The following KLRD1 variants were observed in gnomAD, a reference collection of about 807,000 sequenced individuals.
The protein encoded by KLRD1 is killer cell lectin like receptor D1.
KLRD1 carries 21 observed loss-of-function variants against 22.6 expected under a neutral mutation model. That is an observed-to-expected ratio of 0.93 (90% CI 0.66 to 1.34). KLRD1 has a LOEUF of 1.34. Ranked by LOEUF, KLRD1 falls within the 40% of genes most tolerant of loss-of-function variation. The probability of loss-of-function intolerance (pLI) is 0.00; values close to 1 mark genes in which losing one functional copy is unlikely to be tolerated. For synonymous variants in KLRD1, 59 were observed against 71.1 expected (o/e 0.83, Z 0.85); for missense variants, 183 against 208.6 (o/e 0.88, Z 0.76).
Position 10,311,460 on chromosome 12 carries a change from T to G in KLRD1, c.164-4T>G. On this transcript the variant is annotated splice_region_variant and splice_polypyrimidine_tract_variant and intron_variant, in intron 3 of 5. Transcript: ENST00000336164. ...CATTAGTCATGCTTTATGTTTTCTG[T>G]CAGACTCTGACTGCTGTTCTTGCCA... 1 of 1,612,026 alleles carries G rather than the reference T, an allele frequency of 6.2e-7. No homozygotes were observed. The highest frequency in any genetic ancestry group is 1.1e-5 in the South Asian group (1 of 90,998).
At chr12:10,261,448 G>T (rs1297290907) in intron 1 of KLRD1, among the ~76,000 whole-genome samples, 1 of 152,122 alleles carries the variant, frequency 6.6e-6, no homozygotes, top group African/African-American at 2.4e-5. Context: ...CATTACTGCT[G>T]TTAATGTCTT....
At chr12:10,252,646 T>C (rs1949356040) in intron 1 of KLRD1, among the ~76,000 whole-genome samples, 1 of 152,216 alleles carries the variant, frequency 6.6e-6, no homozygotes, top group East Asian at 1.9e-4. Context: ...ACTAAATGAA[T>C]GACCATTACA....
intron 1 of KLRD1, among the ~76,000 whole-genome samples, chr12:10,239,086 T>C (rs1949209502): frequency 6.6e-6 from 1 of 152,254 alleles, no homozygotes; most frequent in Admixed American, 6.5e-5. Flanking sequence ...CCTTTATCTT[T>C]TGTTGTACGT....
intron 1 of KLRD1, among the ~76,000 whole-genome samples, chr12:10,258,622 C>T (rs888123642): frequency 6.6e-5 from 10 of 152,032 alleles, no homozygotes; most frequent in South Asian, 2.1e-4. Context: ...TTGAAAAAAT[C>T]GGAAGAATCA....
At chr12:10,283,372 G>C (rs979796455) in intron 1 of KLRD1, among the ~76,000 whole-genome samples, 17 of 152,188 alleles carry the variant, frequency 1.1e-4, no homozygotes, top group African/African-American at 4.1e-4. Flanking sequence ...GGTTACCAGG[G>C]ACAGTGAGGA....
chr12:10,264,930 A>G (rs1949485847), intron 1 of KLRD1, among the ~76,000 whole-genome samples: 1 of 152,102 alleles, frequency 6.6e-6, no homozygotes, highest in Admixed American at 6.6e-5. Context: ...AAAAGATTCC[A>G]CATATAAGTG....
intron 1 of KLRD1, among the ~76,000 whole-genome samples, chr12:10,298,799 C>T (rs79535283): frequency 0.015 from 2,344 of 152,288 alleles, 52 homozygotes; most frequent in African/African-American, 0.053. Flanking sequence ...AATCTATAAT[C>T]TATAGAAACA....
intron 1 of KLRD1, among the ~76,000 whole-genome samples, chr12:10,241,414 A>G (rs1949239936): frequency 1.3e-5 from 2 of 152,212 alleles, no homozygotes; most frequent in South Asian, 4.1e-4. Flanking sequence ...AGTTGTGAGA[A>G]AGAGACAAAG....
At chr12:10,241,569 G>C (rs999680632) in intron 1 of KLRD1, among the ~76,000 whole-genome samples, 11 of 152,046 alleles carry the variant, frequency 7.2e-5, no homozygotes, top group Admixed American at 7.2e-4. Context: ...ACTGGCAATA[G>C]GTTGGAAAAG....
chr12:10,313,363 G>T (rs1303807091), intron 4 of KLRD1, 47 bp from the exon 5 acceptor site: 8 of 1,143,112 alleles, frequency 7.0e-6, no homozygotes, highest in Non-Finnish European at 1.0e-5. Context: ...GTTATTCCCA[G>T]AATAGATTAA....
In KLRD1 at chr12:10,317,168, T is replaced by C. The variant is rs896079548; in HGVS notation, c.*2375T>C. ...TGGTGTATATGTGCCATATTTTCTT[T>C]ATCCAGTCTATCACTGATGGGCATT... On this transcript the variant is annotated 3_prime_UTR_variant, in exon 6 of 6. Transcript: ENST00000336164. 7 of 152,208 alleles carry C rather than the reference T, an allele frequency of 4.6e-5. No homozygotes were observed. Among genetic ancestry groups the C allele is most frequent in the African/African-American group, 1.7e-4 (7 of 41,450 alleles). 9.4% of individuals were successfully genotyped at this position (152,208 alleles called of 1,614,324 possible). A position where few individuals can be genotyped will look rare whatever the true frequency, so the allele number is the denominator to read the frequency against.
At chr12:10,308,127 G>A (rs775416958) in intron 1 of KLRD1, 43 bp downstream of exon 1, 1 of 1,577,688 alleles carries the variant, frequency 6.3e-7, no homozygotes, top group South Asian at 1.1e-5. Flanking sequence ...AACCAGAAAA[G>A]CTATTTCTTG....
chr12:10,311,560 A>G lies in KLRD1; in HGVS notation c.260A>G (p.His87Arg), dbSNP rs769127885. 4 of 1,614,170 alleles carry G rather than the reference A, an allele frequency of 2.5e-6. No homozygotes were observed. Among genetic ancestry groups the G allele is most frequent in the Non-Finnish European group, 2.5e-6 (3 of 1,179,990 alleles). ...SEQKTWNESR[H>R]LCASQKSSLL... The stretch of plus-strand genomic sequence containing the variant: ...CAGAAAACTTGGAACGAAAGTCGGC[A>G]TCTCTGTGCTTCTCAGAAATCCAGC... Residue 87 changes from histidine (H) to arginine (R), a missense_variant, in exon 4 of 6, where the codon CAT becomes CGT. By Grantham distance (29) the His-to-Arg change is conservative. Coordinates refer to ENST00000336164, the MANE Select transcript of KLRD1 (RefSeq NM_002262.5).
intron 1 of KLRD1, among the ~76,000 whole-genome samples, chr12:10,277,114 G>GTTTTTTTTTTTTTT (rs36020833): frequency 8.7e-6 from 1 of 115,344 alleles, no homozygotes. Context: ...GCCTCACAGA[G>GTTTTTTTTTTTTTT]TTTTTTTTTT....
At position 10,323,864 on chromosome 12, in the gene KLRD1, C is replaced by CTTTTTTTTTTTTTTTTTTTTTTTTTTT. The variant is rs3983613; in HGVS notation, c.*9086_*9087insTTTTTTTTTTTTTTTTTTTTTTTTTTT. On this transcript the variant is annotated 3_prime_UTR_variant, in exon 6 of 6. Transcript: ENST00000336164. ...TTCCCTTTTATTTCTTATTTCTTTC[C>CTTTTTTTTTTTTTTTTTTTTTTTTTTT]TTTTTTTTTTTTTTTGAGACTGAGT... 3.8e-5 allele frequency: 4 copies of CTTTTTTTTTTTTTTTTTTTTTTTTTTT among 106,340 alleles called. No individual in the cohort carries two copies. The highest frequency in any genetic ancestry group is 5.8e-4 in the East Asian group (2 of 3,438). 6.6% of individuals were successfully genotyped at this position (106,340 alleles called of 1,614,324 possible). A position where few individuals can be genotyped will look rare whatever the true frequency, so the allele number is the denominator to read the frequency against.
At chr12:10,302,705 G>A (rs139743275), upstream of KLRD1, among the ~76,000 whole-genome samples, 936 of 152,050 alleles carry the variant, frequency 6.2e-3, 6 homozygotes, top group Non-Finnish European at 8.1e-3. Context: ...TCTGCCTCTG[G>A]GTGGGGCCAC....
chr12:10,269,021 A>G (rs1949525645), intron 1 of KLRD1, among the ~76,000 whole-genome samples: 1 of 152,160 alleles, frequency 6.6e-6, no homozygotes, highest in South Asian at 2.1e-4. Context: ...TCCTGTATGT[A>G]GAAATAATCC....
rs142694897 is a variant in KLRD1, at chr12:10,311,605, C to T, written c.305C>T (p.Thr102Ile). 47 of 1,613,968 alleles carry T rather than the reference C, an allele frequency of 2.9e-5. No individual in the cohort carries two copies. The African/African-American group carries it at 5.2e-4, about 18-fold the overall frequency. ...TCCAGCCTGCTTCAGCTTCAAAACACAGATGAACTGGCATGTGCTGAGTCT... is the reference window on the plus strand; with the variant it reads ...TCCAGCCTGCTTCAGCTTCAAAACATAGATGAACTGGCATGTGCTGAGTCT... ...QKSSLLQLQN[T>I]DELDFMSSSQ... is the part of the protein sequence containing the mutation. The change falls in exon 4 of 6, where the codon ACA becomes ATA. Residue 102 changes from threonine to isoleucine, a missense_variant. Coordinates refer to ENST00000336164, the MANE Select transcript of KLRD1 (RefSeq NM_002262.5).
rs12227335 is a variant in KLRD1, at chr12:10,239,587, T to C, written c.-101+13354T>C. Among the ~76,000 whole-genome samples the C allele has an allele frequency of 1.1e-3, 155 of 136,508 alleles. 1 individual carries two copies. The highest frequency in any genetic ancestry group is 7.2e-3 in the East Asian group (35 of 4,864). 89.6% of individuals were successfully genotyped at this position (136,508 alleles called of 152,430 possible). A position where few individuals can be genotyped will look rare whatever the true frequency, so the allele number is the denominator to read the frequency against. On this transcript the variant is annotated intron_variant, in intron 1 of 5. Transcript: ENST00000544747. ...TCTTTCTTTCTTTCTTTCTTTCTTT[T>C]TCTTTCTTTCTTTCTCTCTCTTTCT...
Sources: gnomAD v4.1 joint callset for allele counts (sites outside exome capture counted in the v4.1 genomes callset) on GRCh38, gnomAD v4.1.1 for gene constraint, MANE v1.5 for transcripts, NCBI Gene and HGNC (gene_info 2026-07-23, HGNC 2026-07-21) for gene names.